TNIK: variants seen among roughly 807,000 people sequenced by gnomAD.
TNIK encodes TRAF2 and NCK interacting kinase.
A neutral mutation model predicts 191.3 loss-of-function variants in TNIK; 49 were observed. That is an observed-to-expected ratio of 0.26 (90% CI 0.20 to 0.32). TNIK has a LOEUF of 0.32. Ranked by LOEUF, TNIK falls within the 10% of genes least tolerant of loss-of-function variation. TNIK has a pLI of 1.00. For missense variants in TNIK, 1,155 were observed against 1,702.3 expected (o/e 0.68, Z 5.66); for synonymous variants, 594 against 600.9 (o/e 0.99, Z 0.17).
chr3:171,406,263 C>A (rs1261903383), intron 1 of TNIK, among the ~76,000 whole-genome samples: 1 of 152,132 alleles, frequency 6.6e-6, no homozygotes, highest in Non-Finnish European at 1.5e-5. Context: ...GTCCACTCTA[C>A]TGCCTCCCTA....
intron 5 of TNIK, 114 bp from the exon 6 acceptor site, chr3:171,190,901 G>T: frequency 1.5e-6 from 1 of 675,886 alleles, no homozygotes; most frequent in Non-Finnish European, 2.5e-6. Context: ...ATACTTTTCA[G>T]AATTATAATC....
intron 2 of TNIK, among the ~76,000 whole-genome samples, chr3:171,294,875 C>T (rs568330633): frequency 1.4e-3 from 220 of 152,178 alleles, no homozygotes; most frequent in African/African-American, 5.2e-3. Context: ...CATGAAAATG[C>T]CAATAACGCT....
At chr3:171,213,878 C>A (rs970197700) in intron 3 of TNIK, among the ~76,000 whole-genome samples, 3 of 151,992 alleles carry the variant, frequency 2.0e-5, no homozygotes, top group African/African-American at 7.2e-5. Flanking sequence ...TTATAAGTCC[C>A]AGCATTTTGT....
chr3:171,161,143 C>T, intron 11 of TNIK, 127 bp downstream of exon 11: 1 of 845,326 alleles, frequency 1.2e-6, no homozygotes, highest in Non-Finnish European at 1.8e-6. Context: ...TGTTCATGGG[C>T]AATAAATTAA....
intron 2 of TNIK, among the ~76,000 whole-genome samples, chr3:171,284,682 T>C (rs949602798): frequency 2.6e-5 from 4 of 152,220 alleles, no homozygotes; most frequent in Non-Finnish European, 5.9e-5. Flanking sequence ...TCCTTTTGCC[T>C]TTGTTGTTTC....
chr3:171,068,416 C>G (rs1423391229), intron 30 of TNIK, among the ~76,000 whole-genome samples: 5 of 152,142 alleles, frequency 3.3e-5, no homozygotes, highest in Non-Finnish European at 5.9e-5. Flanking sequence ...ACACTGCCCT[C>G]AAGCTGAAGA....
At chr3:171,343,453 G>A (rs529199278) in intron 2 of TNIK, among the ~76,000 whole-genome samples, 12 of 152,274 alleles carry the variant, frequency 7.9e-5, no homozygotes, top group African/African-American at 2.2e-4. Context: ...CACCTTCACT[G>A]GGGAAAGAGA....
chr3:171,184,980 G>A (rs961505699), intron 7 of TNIK, among the ~76,000 whole-genome samples: 6 of 152,274 alleles, frequency 3.9e-5, no homozygotes, highest in Non-Finnish European at 8.8e-5. Flanking sequence ...GGAATCTGGT[G>A]GGGAGTGGGA....
At chr3:171,085,015 C>A in intron 25 of TNIK, 103 bp downstream of exon 25, 2 of 807,892 alleles carry the variant, frequency 2.5e-6, no homozygotes, top group South Asian at 2.4e-5. Context: ...AGGACCTAAG[C>A]AGTAATCAGC....
chr3:171,411,894 C>T lies in TNIK; in HGVS notation c.58-42209G>A, dbSNP rs1002925281. Among the ~76,000 whole-genome samples, 5 of 152,114 alleles carry T rather than the reference C, an allele frequency of 3.3e-5. No homozygotes were observed. In the South Asian group the frequency reaches 8.3e-4, roughly 25 times the overall value. Reference sequence around the variant, plus strand: ...CTAGAAGAACACACAAAGGATGGGGCGAGAAGTTTTCCATTTTAGACGGTG... The same window carrying T: ...CTAGAAGAACACACAAAGGATGGGGTGAGAAGTTTTCCATTTTAGACGGTG... On this transcript the variant is annotated intron_variant, in intron 1 of 32. Coordinates refer to ENST00000436636, the MANE Select transcript of TNIK (RefSeq NM_015028.4).
intron 2 of TNIK, among the ~76,000 whole-genome samples, chr3:171,261,678 T>C (rs912994444): frequency 2.0e-5 from 3 of 152,222 alleles, no homozygotes; most frequent in Non-Finnish European, 4.4e-5. Context: ...ATATGACTCA[T>C]TCATTCAACA....
At chr3:171,315,941 C>T (rs1390917064) in intron 2 of TNIK, among the ~76,000 whole-genome samples, 1 of 152,094 alleles carries the variant, frequency 6.6e-6, no homozygotes, top group Non-Finnish European at 1.5e-5. Flanking sequence ...CTCATATATT[C>T]GGGGAGATAC....
Position 171,332,284 on chromosome 3 carries a change from C to T in TNIK, c.123+37336G>A, listed in dbSNP as rs368647491. On this transcript the variant is annotated intron_variant, in intron 2 of 32. Transcript: ENST00000436636. ...CAAAATTTGTTTAATCATTTTCCTA[C>T]GTGGAACATTTAACTTGTTTACTGT... Among the ~76,000 whole-genome samples, 324 of 152,280 alleles carry T rather than the reference C, an allele frequency of 2.1e-3. 1 individual carries two copies. The highest frequency in any genetic ancestry group is 7.6e-3 in the African/African-American group (314 of 41,558).
intron 2 of TNIK, among the ~76,000 whole-genome samples, chr3:171,275,897 A>AAAATAAAT (rs71176599): frequency 1.1e-3 from 165 of 150,154 alleles, no homozygotes; most frequent in African/African-American, 3.7e-3. Context: ...ACTCCGTCTC[A>AAAATAAAT]AAATAAATAA....
chr3:171,244,063 T>A (rs1245254994), intron 2 of TNIK, among the ~76,000 whole-genome samples: 1 of 144,646 alleles, frequency 6.9e-6, no homozygotes, highest in Non-Finnish European at 1.6e-5. Flanking sequence ...AGAAATAGTT[T>A]TTTTTTTTTT....
rs1745042700 is a variant in TNIK, at chr3:171,241,975, TG to T, written c.124-13755del. Among the ~76,000 whole-genome samples, 3 of 133,016 alleles carry T rather than the reference TG, an allele frequency of 2.3e-5. No individual in the cohort carries two copies. The South Asian group carries it at 6.9e-4, about 30-fold the overall frequency. 87.3% of individuals were successfully genotyped at this position (133,016 alleles called of 152,430 possible). ...GTGGGAATTGAACAATGAGAACACT[TG>T]GACACAGGAAGGGGAACATCACACA... On this transcript the variant is annotated intron_variant, in intron 2 of 32. Transcript: ENST00000436636.
intron 2 of TNIK, among the ~76,000 whole-genome samples, chr3:171,284,034 T>C (rs184371279): frequency 1.3e-3 from 202 of 152,310 alleles, no homozygotes; most frequent in African/African-American, 3.7e-3. Flanking sequence ...CGTTATCCCC[T>C]GAGAAACATC....
chr3:171,073,385 C>T lies in TNIK; in HGVS notation c.3449-2062G>A, dbSNP rs149318499. Among the ~76,000 whole-genome samples the T allele has an allele frequency of 3.9e-4, 59 of 152,030 alleles. No homozygotes were observed. The East Asian group carries it at 7.5e-3, about 19-fold the overall frequency. ...CTTACCATATACAAAAATTAACTCA[C>T]GATGGATTAAAGATTTAAATGTACC... On this transcript the variant is annotated intron_variant, in intron 28 of 32. Coordinates refer to ENST00000436636, the MANE Select transcript of TNIK (RefSeq NM_015028.4).
At chr3:171,293,593 A>T (rs1751931815) in intron 2 of TNIK, among the ~76,000 whole-genome samples, 1 of 152,252 alleles carries the variant, frequency 6.6e-6, no homozygotes, top group Non-Finnish European at 1.5e-5. Flanking sequence ...CCTTTTCAAC[A>T]CAGAGACAAC....
Sources: gnomAD v4.1 joint callset for allele counts (sites outside exome capture counted in the v4.1 genomes callset) on GRCh38, gnomAD v4.1.1 for gene constraint, MANE v1.5 for transcripts, NCBI Gene and HGNC (gene_info 2026-07-23, HGNC 2026-07-21) for gene names.